The following FLRT1 variants were observed in gnomAD, a reference collection of about 807,000 sequenced individuals.
FLRT1 encodes leucine-rich repeat transmembrane protein FLRT1.
FLRT1 carries 14 observed loss-of-function variants against 30.9 expected under a neutral mutation model. That is an observed-to-expected ratio of 0.45 (90% CI 0.30 to 0.71). The LOEUF (loss-of-function observed/expected upper bound fraction) is 0.71, where lower values mean the gene tolerates loss of function less well. Ranked by LOEUF, FLRT1 falls within the 30% of genes least tolerant of loss-of-function variation. The pLI is 0.08. For missense variants in FLRT1, 737 were observed against 949.2 expected (o/e 0.78, Z 2.94); for synonymous variants, 368 against 430.4 (o/e 0.85, Z 1.80).
In FLRT1 at chr11:64,118,289, A is replaced by G. The variant is rs1945034132; in HGVS notation, c.2022A>G (p.Thr674=). The change falls in exon 3 of 3, where the codon ACA becomes ACG. Residue 674 remains threonine (T), a synonymous_variant. Transcript: ENST00000682287. ...GGIPDIDYSY[T] The stretch of plus-strand genomic sequence containing the variant: ...TCCCCGACATAGACTACTCCTACAC[A>G]TGATGCCCGCCCACCCGGGCTGCCC... The G allele has an allele frequency of 1.3e-6, 2 of 1,557,082 alleles. No homozygotes were observed. Among genetic ancestry groups the G allele is most frequent in the Admixed American group, 1.8e-5 (1 of 55,830 alleles).
chr11:64,108,894 A>G (rs975411922), intron 2 of FLRT1, among the ~76,000 whole-genome samples: 7 of 152,232 alleles, frequency 4.6e-5, no homozygotes, highest in Admixed American at 3.3e-4. Context: ...CAGGCCACAC[A>G]CCAGTGCCAG....
At chr11:64,112,737 G>A (rs552519294) in intron 2 of FLRT1, among the ~76,000 whole-genome samples, 4 of 152,266 alleles carry the variant, frequency 2.6e-5, no homozygotes, top group African/African-American at 9.6e-5. Flanking sequence ...GGGGATACTA[G>A]GGGGTGCCTG....
rs1175527322 is a variant in FLRT1 at position 64,117,216 on chromosome 11, C to T, written c.949C>T (p.Leu317=). ...TTLPRGLFDD[L]GNLAQLLLRN... ...GCTGCCCCGCGGCCTGTTCGACGAC[C>T]TGGGGAACCTGGCCCAGCTGCTGCT... The change falls in exon 3 of 3, where the codon CTG becomes TTG. Residue 317 remains leucine (L), a synonymous_variant. Coordinates refer to ENST00000682287, the MANE Select transcript of FLRT1 (RefSeq NM_013280.5). 6.2e-7 allele frequency: 1 copy of T among 1,614,062 alleles called. No individual in the cohort carries two copies. The highest frequency in any genetic ancestry group is 8.5e-7 in the Non-Finnish European group (1 of 1,180,030).
In FLRT1 at chr11:64,035,999, G is replaced by C. The variant is rs1943372662; in HGVS notation, c.-1198G>C. 1 of 150,362 alleles carries C rather than the reference G, an allele frequency of 6.7e-6. No individual in the cohort carries two copies. Among genetic ancestry groups the C allele is most frequent in the South Asian group, 2.0e-4 (1 of 5,020 alleles). The allele number at this position is 150,362 out of a possible 1,614,324, so 9.3% of individuals were successfully genotyped here. On this transcript the variant is annotated 5_prime_UTR_variant, in exon 1 of 3. Transcript: ENST00000682287. ...GCGCCGCCGCGCGCCCCCCGCTCCG[G>C]GCCCGCCACCGTGCTCTGCCGCGCG...
In FLRT1 at chr11:64,064,488, G is replaced by A. The variant is rs1247518063; in HGVS notation, c.-1038+28329G>A. Among the ~76,000 whole-genome samples the A allele has an allele frequency of 6.6e-6, 1 of 152,136 alleles. No homozygotes were observed. Among genetic ancestry groups the A allele is most frequent in the East Asian group, 1.9e-4 (1 of 5,196 alleles). The stretch of plus-strand genomic sequence containing the variant: ...CCAAAGAACCGGAGGCCTCAGGCCT[G>A]CCCCGGATGGGCACGCAGGCAGGGT... On this transcript the variant is annotated intron_variant, in intron 1 of 2. Transcript: ENST00000682287. The surrounding 1 kb of genome is among the most constrained non-coding windows in gnomAD (Gnocchi z 4.5).
chr11:64,083,629 G>A (rs1404459772), intron 1 of FLRT1, among the ~76,000 whole-genome samples: 1 of 152,244 alleles, frequency 6.6e-6, no homozygotes. Flanking sequence ...GCATGTAAGT[G>A]AGTAATGAGA....
At chr11:64,045,319 C>T (rs1482034239) in intron 1 of FLRT1, among the ~76,000 whole-genome samples, 1 of 152,214 alleles carries the variant, frequency 6.6e-6, no homozygotes, top group Non-Finnish European at 1.5e-5. Flanking sequence ...GGCAGCAGCT[C>T]CTGGAATCCT....
chr11:64,056,837 C>T (rs1233826319), intron 1 of FLRT1, among the ~76,000 whole-genome samples: 2 of 151,776 alleles, frequency 1.3e-5, no homozygotes, highest in African/African-American at 4.8e-5. Flanking sequence ...CCTGGGATGA[C>T]CTCCACTCTG....
chr11:64,042,823 C>T (rs1438767746), intron 1 of FLRT1, among the ~76,000 whole-genome samples: 3 of 152,202 alleles, frequency 2.0e-5, no homozygotes, highest in Non-Finnish European at 4.4e-5. Context: ...AGACCCCCAC[C>T]AGGCTTGGGC....
In FLRT1 at chr11:64,057,265, G is replaced by A. The variant is rs566329591; in HGVS notation, c.-1038+21106G>A. ...TAGGGGACGGGACAGCCCATTGGTG[G>A]TTCCTCCCTGCAGACTGAGAGCAGG... On this transcript the variant is annotated intron_variant, in intron 1 of 2. Coordinates refer to ENST00000682287, the MANE Select transcript of FLRT1 (RefSeq NM_013280.5). Among the ~76,000 whole-genome samples, 17 of 152,352 alleles carry A rather than the reference G, an allele frequency of 1.1e-4. No homozygotes were observed. The South Asian group carries it at 2.9e-3, about 26-fold the overall frequency.
chr11:64,092,541 G>A (rs1002149458), intron 1 of FLRT1, among the ~76,000 whole-genome samples: 8 of 152,234 alleles, frequency 5.3e-5, no homozygotes, highest in African/African-American at 1.7e-4. Flanking sequence ...CAGAGACCGC[G>A]TGTGGTCATG....
chr11:64,048,755 A>G (rs1223972965), intron 1 of FLRT1, among the ~76,000 whole-genome samples: 1 of 152,176 alleles, frequency 6.6e-6, no homozygotes, highest in Non-Finnish European at 1.5e-5. Flanking sequence ...CCCAGATCCC[A>G]TAACTCTAAG....
intron 1 of FLRT1, among the ~76,000 whole-genome samples, chr11:64,092,144 C>A (rs997401247): frequency 6.6e-6 from 1 of 152,220 alleles, no homozygotes; most frequent in African/African-American, 2.4e-5. Flanking sequence ...TTAGGGTCGC[C>A]GTGGCATCCC....
chr11:64,101,705 C>T (rs777142765), intron 1 of FLRT1, among the ~76,000 whole-genome samples: 7 of 152,222 alleles, frequency 4.6e-5, no homozygotes, highest in Non-Finnish European at 1.0e-4. Context: ...CCTCCCGCCG[C>T]GTGCAGGGAC....
chr11:64,116,963 C>T lies in FLRT1; in HGVS notation c.696C>T (p.Asn232=). 1.2e-6 allele frequency: 2 copies of T among 1,611,914 alleles called. No homozygotes were observed. The highest frequency in any genetic ancestry group is 1.7e-6 in the Non-Finnish European group (2 of 1,179,998). The change falls in exon 3 of 3, where the codon AAC becomes AAT. Residue 232 remains asparagine (N), a synonymous_variant. Transcript: ENST00000682287. ...TGCGGCGCCTGGTGCTGGACGGTAA[C>T]CTGCTGGCCAACCAGCGCATCGCCG... ...NSLRRLVLDG[N]LLANQRIADD... is the part of the protein sequence containing the mutation.
intron 1 of FLRT1, among the ~76,000 whole-genome samples, chr11:64,040,248 G>C (rs1034411405): frequency 6.6e-6 from 1 of 152,090 alleles, no homozygotes; most frequent in Non-Finnish European, 1.5e-5. Context: ...AGTAACAGAG[G>C]GGCCTGCTGA....
In FLRT1 at chr11:64,096,903, G is replaced by A. The variant is rs1390458592; in HGVS notation, c.-1037-6291G>A. On this transcript the variant is annotated intron_variant, in intron 1 of 2. Transcript: ENST00000682287. The surrounding 1 kb of genome is among the most constrained non-coding windows in gnomAD (Gnocchi z 4.6). ...GCTGAGAGCCGATGCCTGTCCCTCC[G>A]TGAGCTGGGTGCGAGTGGCCCTTGC... Among the ~76,000 whole-genome samples the A allele has an allele frequency of 1.3e-5, 2 of 152,220 alleles. No homozygotes were observed. Among genetic ancestry groups the A allele is most frequent in the East Asian group, 3.9e-4 (2 of 5,188 alleles).
intron 1 of FLRT1, among the ~76,000 whole-genome samples, chr11:64,079,486 G>A (rs1944266234): frequency 3.3e-5 from 5 of 152,190 alleles, no homozygotes; most frequent in Admixed American, 3.3e-4. Context: ...CAGGAATGGG[G>A]CAGGGATGAG....
intron 1 of FLRT1, among the ~76,000 whole-genome samples, chr11:64,099,713 G>A (rs1348882695): frequency 6.6e-6 from 1 of 151,160 alleles, no homozygotes; most frequent in African/African-American, 2.4e-5. Context: ...GAAGGATGGA[G>A]AGATAGATGG....
Sources: gnomAD v4.1 joint callset for allele counts (sites outside exome capture counted in the v4.1 genomes callset) on GRCh38, gnomAD v4.1.1 for gene constraint, Gnocchi (gnomAD v3.1) non-coding constraint, MANE v1.5 for transcripts, NCBI Gene and HGNC (gene_info 2026-07-23, HGNC 2026-07-21) for gene names.